Variants in COG5 observed in about 807,000 individuals in gnomAD.
COG5 encodes the protein conserved oligomeric Golgi complex subunit 5.
COG5 carries 86 observed loss-of-function variants against 110.4 expected under a neutral mutation model. The observed-to-expected ratio is 0.78, with a 90% CI of 0.65 to 0.93. The LOEUF (loss-of-function observed/expected upper bound fraction) is 0.93, where lower values mean the gene tolerates loss of function less well. Ranked by LOEUF, COG5 falls within the 40% of genes least tolerant of loss-of-function variation. COG5 has a pLI of 0.00. For synonymous variants in COG5, 360 were observed against 334.6 expected, an observed-to-expected ratio of 1.08 and a Z score of -0.83; for missense variants, 1,077 against 987.0, an observed-to-expected ratio of 1.09 and a Z score of -1.22.
intron 10 of COG5, among the ~76,000 whole-genome samples, chr7:107,352,210 C>CA (rs1173328696): frequency 1.5e-4 from 22 of 143,438 alleles, no homozygotes; most frequent in African/African-American, 5.7e-4. Context: ...ATCTCAAGGA[C>CA]AAAAAACCAA....
intron 3 of COG5, chr7:107,549,292 T>C (rs1802704073): frequency 6.6e-6 from 1 of 152,224 alleles, no homozygotes; most frequent in Non-Finnish European, 1.5e-5. Flanking sequence ...TCACCAGAAA[T>C]CTATGAGTTG....
chr7:107,546,428 G>T lies in COG5; in HGVS notation c.417+1683C>A, dbSNP rs916211161. 2.4e-3 allele frequency among the ~76,000 whole-genome samples: 277 copies of T among 117,158 alleles called. 2 individuals are homozygous for T. The highest frequency in any genetic ancestry group is 7.3e-3 in the African/African-American group (260 of 35,544). 76.9% of individuals were successfully genotyped at this position (117,158 alleles called of 152,430 possible). ...TAATAAAACCAAGAGTTGTGTTTTG[G>T]TTTTTTGTTTTTTTTTTTTTTTTTT... On this transcript the variant is annotated intron_variant, in intron 5 of 21. Coordinates refer to ENST00000297135, the MANE Select transcript of COG5 (RefSeq NM_006348.5).
intron 11 of COG5, among the ~76,000 whole-genome samples, chr7:107,316,895 C>T (rs939163618): frequency 6.6e-6 from 1 of 151,932 alleles, no homozygotes; most frequent in African/African-American, 2.4e-5. Context: ...ACTAAATAAA[C>T]GTACACACAC....
At chr7:107,536,583 C>T (rs1801597999) in intron 5 of COG5, among the ~76,000 whole-genome samples, 1 of 152,110 alleles carries the variant, frequency 6.6e-6, no homozygotes, top group Admixed American at 6.5e-5. Flanking sequence ...TCAAGGAGAA[C>T]TACAAACCAC....
chr7:107,315,134 T>C (rs944732060), intron 11 of COG5, among the ~76,000 whole-genome samples: 7 of 151,480 alleles, frequency 4.6e-5, no homozygotes, highest in African/African-American at 7.3e-5. Context: ...CACAATATGA[T>C]CTCAACTTGC....
intron 19 of COG5, 60 bp from the exon 20 acceptor site, chr7:107,211,285 G>A: frequency 1.9e-6 from 3 of 1,566,394 alleles, no homozygotes; most frequent in South Asian, 1.1e-5. Context: ...GTGATTTGGT[G>A]GGAGAATCAT....
At chr7:107,321,989 A>G (rs1809335674) in intron 11 of COG5, among the ~76,000 whole-genome samples, 1 of 152,234 alleles carries the variant, frequency 6.6e-6, no homozygotes, top group Middle Eastern at 3.2e-3. Context: ...AACCCAGAAT[A>G]TGCAAAGATT....
chr7:107,263,313 A>G (rs771385647), intron 14 of COG5, among the ~76,000 whole-genome samples: 6 of 152,210 alleles, frequency 3.9e-5, no homozygotes, highest in Non-Finnish European at 8.8e-5. Context: ...GATGCTTATT[A>G]CATATGGTTG....
intron 21 of COG5, among the ~76,000 whole-genome samples, chr7:107,206,999 C>T (rs1224432681): frequency 6.8e-6 from 1 of 146,188 alleles, no homozygotes; most frequent in Non-Finnish European, 1.5e-5. Flanking sequence ...AAAAAAAACA[C>T]GATTAGTAGA....
At chr7:107,520,670 C>G (rs1186146750) in intron 6 of COG5, among the ~76,000 whole-genome samples, 1 of 152,152 alleles carries the variant, frequency 6.6e-6, no homozygotes, top group Non-Finnish European at 1.5e-5. Flanking sequence ...AGAAAACATT[C>G]CATGCTCATG....
intron 18 of COG5, among the ~76,000 whole-genome samples, chr7:107,233,561 T>C (rs1329365378): frequency 6.6e-6 from 1 of 152,234 alleles, no homozygotes; most frequent in Non-Finnish European, 1.5e-5. Flanking sequence ...AATTGGACTT[T>C]ACGGCAAATA....
At chr7:107,342,033 T>G (rs1166401492) in intron 10 of COG5, among the ~76,000 whole-genome samples, 6 of 152,134 alleles carry the variant, frequency 3.9e-5, no homozygotes, top group Admixed American at 1.3e-4. Context: ...AAGTGAGGCC[T>G]AATTAGGCTT....
At chr7:107,373,518 T>C (rs1814368795) in intron 7 of COG5, among the ~76,000 whole-genome samples, 2 of 151,970 alleles carry the variant, frequency 1.3e-5, no homozygotes, top group South Asian at 4.1e-4. Flanking sequence ...TATGGGAAAA[T>C]ACAGATCGGG....
At position 107,445,486 on chromosome 7, in the gene COG5, A is replaced by AT. The variant is rs536205965; in HGVS notation, c.539-32855dup. The stretch of plus-strand genomic sequence containing the variant: ...CAAACTGAAAGCAATTCTTCAACAC[A>AT]TAAGAGACTACTATTTACAAACAGG... On this transcript the variant is annotated intron_variant, in intron 6 of 21. Transcript: ENST00000297135. Among the ~76,000 whole-genome samples, 107 of 152,360 alleles carry AT rather than the reference A, an allele frequency of 7.0e-4. 3 individuals are homozygous for AT. The South Asian group carries it at 0.022, about 31-fold the overall frequency.
At chr7:107,375,501 AAATTT>A (rs1814557218) in intron 7 of COG5, among the ~76,000 whole-genome samples, 1 of 152,068 alleles carries the variant, frequency 6.6e-6, no homozygotes, top group African/African-American at 2.4e-5. Context: ...GATGCCCCAC[AAATTT>A]GCCAAAAATT....
intron 7 of COG5, among the ~76,000 whole-genome samples, chr7:107,402,374 CAAGT>C (rs1791500905): frequency 6.6e-6 from 1 of 152,154 alleles, no homozygotes; most frequent in African/African-American, 2.4e-5. Flanking sequence ...CCTCTAAAGA[CAAGT>C]AAACACATTA....
chr7:107,412,765 A>G, intron 6 of COG5, 133 bp from the exon 7 acceptor site: 1 of 616,200 alleles, frequency 1.6e-6, no homozygotes, highest in Non-Finnish European at 2.8e-6. Context: ...CAAAATCCGT[A>G]TTTTAAAAAA....
chr7:107,295,074 T>C (rs1206872077), intron 12 of COG5, among the ~76,000 whole-genome samples: 1,820 of 51,664 alleles, frequency 0.035, 57 homozygotes, highest in African/African-American at 0.14. Context: ...CACATATATA[T>C]ATATATATAT....
chr7:107,233,345 G>A (rs980803998), intron 18 of COG5, among the ~76,000 whole-genome samples: 1 of 152,132 alleles, frequency 6.6e-6, no homozygotes, highest in African/African-American at 2.4e-5. Context: ...AGACCATGTG[G>A]TCACAGTGGG....
Sources: gnomAD v4.1 joint callset for allele counts (sites outside exome capture counted in the v4.1 genomes callset) on GRCh38, gnomAD v4.1.1 for gene constraint, MANE v1.5 for transcripts, NCBI Gene and HGNC (gene_info 2026-07-23, HGNC 2026-07-21) for gene names.